Variants in USP13 observed in about 807,000 individuals in gnomAD.
USP13 encodes ubiquitin carboxyl-terminal hydrolase 13.
In USP13, 68 loss-of-function variants were observed where a neutral mutation model predicts 107.8. The ratio of observed to expected loss-of-function variants is 0.63; its 90% CI spans 0.52 to 0.77. The LOEUF (loss-of-function observed/expected upper bound fraction) is 0.77. Among genes scored for constraint, USP13 ranks in the 30% least tolerant of loss-of-function variants. The probability of loss-of-function intolerance (pLI) is 0.00; values close to 1 mark genes in which losing one functional copy is unlikely to be tolerated. For missense variants in USP13, 945 were observed against 1,093.3 expected, an observed-to-expected ratio of 0.86 and a Z score of 1.91; for synonymous variants, 377 against 389.5, an observed-to-expected ratio of 0.97 and a Z score of 0.38.
chr3:179,760,575 G>A (rs1269123487), intron 16 of USP13, among the ~76,000 whole-genome samples: 1 of 152,128 alleles, frequency 6.6e-6, no homozygotes, highest in African/African-American at 2.4e-5. Context: ...GAGCCACCAC[G>A]CCTGGCCTCT....
chr3:179,711,253 C>CT (rs1200545446), intron 6 of USP13, among the ~76,000 whole-genome samples: 2 of 152,142 alleles, frequency 1.3e-5, no homozygotes, highest in Non-Finnish European at 2.9e-5. Flanking sequence ...GAGTCTCACT[C>CT]TGTCACCCAG....
intron 6 of USP13, among the ~76,000 whole-genome samples, chr3:179,716,904 T>C (rs986262483): frequency 6.6e-6 from 1 of 152,252 alleles, no homozygotes; most frequent in Non-Finnish European, 1.5e-5. Flanking sequence ...TCTAAAATTT[T>C]TTTTTAATCT....
chr3:179,755,438 G>T (rs892186236), intron 15 of USP13, among the ~76,000 whole-genome samples: 2 of 152,116 alleles, frequency 1.3e-5, no homozygotes, highest in South Asian at 4.1e-4. Context: ...GGGACTACAG[G>T]CGCGTGCCAC....
At chr3:179,761,286 A>G in intron 17 of USP13, 31 bp downstream of exon 17, 1 of 1,613,092 alleles carries the variant, frequency 6.2e-7, no homozygotes, top group Non-Finnish European at 8.5e-7. Flanking sequence ...ATGGCTTTGG[A>G]GTCTGATGTG....
intron 6 of USP13, among the ~76,000 whole-genome samples, chr3:179,712,738 CAA>C (rs1712975192): frequency 6.6e-6 from 1 of 151,788 alleles, no homozygotes; most frequent in South Asian, 2.1e-4. Context: ...ATTGCTGTGA[CAA>C]AAAGAGTTAA....
chr3:179,697,600 C>A (rs1315315844), intron 3 of USP13, among the ~76,000 whole-genome samples: 1 of 152,094 alleles, frequency 6.6e-6, no homozygotes, highest in Non-Finnish European at 1.5e-5. Flanking sequence ...CACTTAATAG[C>A]CACAATAGAA....
Position 179,721,438 on chromosome 3 carries a change from A to G in USP13, c.937A>G (p.Arg313Gly). 3 of 1,614,090 alleles carry G rather than the reference A, an allele frequency of 1.9e-6. No homozygotes were observed. The highest frequency in any genetic ancestry group is 2.5e-6 in the Non-Finnish European group (3 of 1,179,972). The change falls in exon 8 of 21, where the codon AGG becomes GGG. Residue 313 changes from arginine (R) to glycine (G), a missense_variant. Arg to Gly is a moderately radical substitution (Grantham distance 125, BLOSUM62 -2). Coordinates refer to ENST00000263966, the MANE Select transcript of USP13 (RefSeq NM_003940.3). The surrounding 1 kb of genome is among the most constrained non-coding windows in gnomAD (Gnocchi z 4.3). Reference sequence around the variant, plus strand: ...GCTCCAGGACAATGACATCAAGCTGAGGGTCAGTGAGTGGGAAGTGATCCA... The same window carrying G: ...GCTCCAGGACAATGACATCAAGCTGGGGGTCAGTGAGTGGGAAGTGATCCA... ...NGLQDNDIKL[R>G]VSEWEVIQES...
intron 3 of USP13, among the ~76,000 whole-genome samples, chr3:179,699,861 T>C (rs971393633): frequency 1.3e-5 from 2 of 152,026 alleles, no homozygotes; most frequent in Admixed American, 6.6e-5. Flanking sequence ...AGGTTTTTGA[T>C]TGAAAACATA....
intron 19 of USP13, among the ~76,000 whole-genome samples, chr3:179,772,605 T>C (rs1715374565): frequency 6.6e-6 from 1 of 152,220 alleles, no homozygotes; most frequent in Non-Finnish European, 1.5e-5. Flanking sequence ...GAAAGTCACA[T>C]AGACACTTCA....
chr3:179,751,616 A>T (rs535250422), intron 13 of USP13, among the ~76,000 whole-genome samples: 1 of 152,338 alleles, frequency 6.6e-6, no homozygotes, highest in Admixed American at 6.5e-5. Flanking sequence ...AACTATGTAT[A>T]CTAAACTCTA....
intron 1 of USP13, among the ~76,000 whole-genome samples, chr3:179,670,481 C>T (rs1176746446): frequency 1.3e-5 from 2 of 152,028 alleles, no homozygotes; most frequent in Non-Finnish European, 2.9e-5. Context: ...CTTTTGTAAA[C>T]ATGAGTGGGA....
chr3:179,724,147 A>G lies in USP13; in HGVS notation c.1088+2558A>G, dbSNP rs913840547. ...CGTACTCAGGCTGGGCAACAGAGTGAGATCCTGTCTTTAAAAAAATAATAA... is the reference window on the plus strand; with the variant it reads ...CGTACTCAGGCTGGGCAACAGAGTGGGATCCTGTCTTTAAAAAAATAATAA... On this transcript the variant is annotated intron_variant, in intron 8 of 20. Coordinates refer to ENST00000263966, the MANE Select transcript of USP13 (RefSeq NM_003940.3). Among the ~76,000 whole-genome samples the G allele has an allele frequency of 8.6e-5, 13 of 151,868 alleles. No homozygotes were observed. The East Asian group carries it at 2.5e-3, about 29-fold the overall frequency.
In USP13 at chr3:179,784,178, G is replaced by T; in HGVS notation, c.*37G>T. The T allele has an allele frequency of 6.7e-7, 1 of 1,494,412 alleles. No homozygotes were observed. The allele number at this position is 1,494,412 out of a possible 1,614,324, so 92.6% of individuals were successfully genotyped here. ...AAAAATTGGCGAAAAGAAGCCATACGCCTTTTTAATTTGCCAAAAAAAAAA... is the reference window on the plus strand; with the variant it reads ...AAAAATTGGCGAAAAGAAGCCATACTCCTTTTTAATTTGCCAAAAAAAAAA... On this transcript the variant is annotated 3_prime_UTR_variant, in exon 21 of 21. Transcript: ENST00000263966.
At chr3:179,718,484 C>G (rs1713186262) in intron 6 of USP13, among the ~76,000 whole-genome samples, 1 of 152,010 alleles carries the variant, frequency 6.6e-6, no homozygotes, top group Non-Finnish European at 1.5e-5. Flanking sequence ...CATAAATATT[C>G]TGTTGTAGAG....
intron 3 of USP13, among the ~76,000 whole-genome samples, chr3:179,693,145 A>C (rs1391134675): frequency 6.6e-6 from 1 of 151,940 alleles, no homozygotes; most frequent in Non-Finnish European, 1.5e-5. Flanking sequence ...TCCCAGTAGG[A>C]GTTCTTTCTT....
At chr3:179,693,868 G>A (rs1215050855) in intron 3 of USP13, among the ~76,000 whole-genome samples, 3 of 150,136 alleles carry the variant, frequency 2.0e-5, no homozygotes, top group Non-Finnish European at 4.4e-5. Flanking sequence ...TTGTAGAGAC[G>A]AGGTTTCACC....
chr3:179,702,451 G>T (rs1006225496), intron 4 of USP13, among the ~76,000 whole-genome samples: 5 of 152,106 alleles, frequency 3.3e-5, no homozygotes, highest in Non-Finnish European at 7.3e-5. Context: ...CTCAAACCAT[G>T]CCAGAACCAA....
chr3:179,739,249 C>T (rs1409174771), intron 10 of USP13, among the ~76,000 whole-genome samples: 1 of 152,204 alleles, frequency 6.6e-6, no homozygotes, highest in Non-Finnish European at 1.5e-5. Context: ...TGCTGGTCCC[C>T]CACGAAATCC....
intron 1 of USP13, 65 bp from the exon 2 acceptor site, chr3:179,681,813 C>T (rs1711666038): frequency 2.0e-6 from 3 of 1,536,552 alleles, no homozygotes; most frequent in African/African-American, 1.4e-5. Context: ...TTCCCTTTCC[C>T]TCTTTCTACA....
Sources: gnomAD v4.1 joint callset for allele counts (sites outside exome capture counted in the v4.1 genomes callset) on GRCh38, gnomAD v4.1.1 for gene constraint, Gnocchi (gnomAD v3.1) non-coding constraint, MANE v1.5 for transcripts, NCBI Gene and HGNC (gene_info 2026-07-23, HGNC 2026-07-21) for gene names.